RGL4: variants seen among roughly 807,000 people sequenced by gnomAD.
RGL4 encodes ral guanine nucleotide dissociation stimulator like 4, also known as ral-GDS-related protein.
In RGL4, 41 loss-of-function variants were observed where a neutral mutation model predicts 49.6. The observed-to-expected ratio is 0.83, with a 90% confidence interval of 0.64 to 1.07. RGL4 has a LOEUF of 1.07. Among genes scored for constraint, RGL4 ranks in the 50% least tolerant of loss-of-function variants. The probability of loss-of-function intolerance (pLI) is 0.00; values close to 1 mark genes in which losing one functional copy is unlikely to be tolerated. For missense variants in RGL4, 610 were observed against 591.9 expected (o/e 1.03, Z -0.32); for synonymous variants, 255 against 238.0 (o/e 1.07, Z -0.66).
At chr22:23,696,547 G>A (rs1923506686) in intron 6 of RGL4, 67 bp from the exon 7 acceptor site, 2 of 1,610,080 alleles carry the variant, frequency 1.2e-6, no homozygotes, top group African/African-American at 1.3e-5. Flanking sequence ...TCCAAGTGCG[G>A]GGTGGCTGGG....
rs968840959 is a variant in RGL4, at chr22:23,693,691, G to A, written c.697-68G>A. ...GTGGATGACTGTGAGCTCAGTCCCT[G>A]CCTGGGACTGTGGGTGACTCTGAGC... On this transcript the variant is annotated intron_variant, in intron 3 of 10. Coordinates refer to ENST00000290691, the MANE Select transcript of RGL4 (RefSeq NM_153615.2). 3.9e-6 allele frequency: 5 copies of A among 1,290,596 alleles called. No homozygotes were observed. In the African/African-American group the frequency reaches 5.9e-5, roughly 15 times the overall value. 79.9% of individuals were successfully genotyped at this position (1,290,596 alleles called of 1,614,324 possible).
In RGL4 at chr22:23,697,265, G is replaced by T; in HGVS notation, c.1236+20G>T. 1.2e-6 allele frequency: 2 copies of T among 1,603,792 alleles called. No homozygotes were observed. The highest frequency in any genetic ancestry group is 1.1e-5 in the South Asian group (1 of 90,706). ...CTGGATGTGAGTGAGCCTGGGGCAG[G>T]GTGCTTGGGAACCAAGATCCTGAAG... On this transcript the variant is annotated intron_variant, in intron 8 of 10. Transcript: ENST00000290691.
chr22:23,691,854 T>G lies in RGL4; in HGVS notation c.-177T>G. On this transcript the variant is annotated 5_prime_UTR_variant, in exon 1 of 11. Transcript: ENST00000290691. ...CCCACAAGAGGCAAATAGTGAGTTC[T>G]GTAAATGGAGACTTAGGTCCCCTGC... 1 of 594,320 alleles carries G rather than the reference T, an allele frequency of 1.7e-6. No individual in the cohort carries two copies. Among genetic ancestry groups the G allele is most frequent in the South Asian group, 2.3e-5 (1 of 43,844 alleles). 36.8% of individuals were successfully genotyped at this position (594,320 alleles called of 1,614,324 possible). A position where few individuals can be genotyped will look rare whatever the true frequency, so the allele number is the denominator to read the frequency against.
At position 23,695,036 on chromosome 22, in the gene RGL4, G is replaced by A. The variant is rs768146802; in HGVS notation, c.1086+17G>A. 19 of 1,580,360 alleles carry A rather than the reference G, an allele frequency of 1.2e-5. No homozygotes were observed. The Admixed American group carries it at 1.3e-4, about 11-fold the overall frequency. Reference sequence around the variant, plus strand: ...CTGATCAAGGTACAGTGGAGTCTGGGAGATGCAGGACAAGTGTTTAAGGGT... The same window carrying A: ...CTGATCAAGGTACAGTGGAGTCTGGAAGATGCAGGACAAGTGTTTAAGGGT... On this transcript the variant is annotated intron_variant, in intron 6 of 10. Transcript: ENST00000290691.
intron 6 of RGL4, 142 bp from the exon 7 acceptor site, chr22:23,696,472 G>C: frequency 6.4e-7 from 1 of 1,550,848 alleles, no homozygotes; most frequent in South Asian, 1.2e-5. Flanking sequence ...GACACACACA[G>C]GGAGTGTGGA....
chr22:23,694,789 G>A, intron 5 of RGL4, 161 bp from the exon 6 acceptor site: 1 of 656,424 alleles, frequency 1.5e-6, no homozygotes, highest in Non-Finnish European at 2.7e-6. Context: ...GAGCATGAGA[G>A]GTCCCACCCT....
chr22:23,698,364 G>A (rs764292078), intron 10 of RGL4, 31 bp downstream of exon 10: 3 of 1,584,118 alleles, frequency 1.9e-6, no homozygotes, highest in South Asian at 2.2e-5. Context: ...CTGAGGGTGG[G>A]AGAAGGCTCT....
intron 10 of RGL4, 44 bp downstream of exon 10, chr22:23,698,377 A>ATTT: frequency 2.4e-6 from 3 of 1,239,948 alleles, no homozygotes; most frequent in Non-Finnish European, 1.1e-6. Context: ...AAGGCTCTCC[A>ATTT]TTTTTTTTTT....
intron 8 of RGL4, 128 bp from the exon 9 acceptor site, chr22:23,697,710 G>T (rs1458650025): frequency 9.9e-7 from 1 of 1,014,434 alleles, no homozygotes; most frequent in African/African-American, 1.6e-5. Flanking sequence ...GCCTGAGGCA[G>T]GTCCAAGTCC....
At chr22:23,696,367 C>A (rs1923491946) in intron 6 of RGL4, 1 of 1,430,362 alleles carries the variant, frequency 7.0e-7, no homozygotes, top group African/African-American at 1.4e-5. Flanking sequence ...CTACAGGAAA[C>A]TGAGCCCTCA....
At chr22:23,695,473 TGC>T in intron 6 of RGL4, 1 of 603,474 alleles carries the variant, frequency 1.7e-6, no homozygotes. Flanking sequence ...CTGCTGCTGC[TGC>T]TGTCTGCAGC....
At chr22:23,695,543 G>C in intron 6 of RGL4, 1 of 449,360 alleles carries the variant, frequency 2.2e-6, no homozygotes. Flanking sequence ...AACAACAACA[G>C]AGGAAGCTCA....
intron 8 of RGL4, 25 bp downstream of exon 8, chr22:23,697,270 T>C: frequency 1.3e-6 from 2 of 1,596,140 alleles, no homozygotes; most frequent in South Asian, 1.1e-5. Context: ...GGCAGGGTGC[T>C]TGGGAACCAA....
At position 23,692,188 on chromosome 22, in the gene RGL4, A is replaced by T. The variant is rs769578137; in HGVS notation, c.158A>T (p.Gln53Leu). The T allele has an allele frequency of 1.2e-6, 2 of 1,613,676 alleles. No individual in the cohort carries two copies. Among genetic ancestry groups the T allele is most frequent in the African/African-American group, 2.7e-5 (2 of 74,916 alleles). Reference sequence around the variant, plus strand: ...CTGTATGGCCAGGTCTGCCCCTTCCAGGACAGCACTGATGGCTTACGGTAG... The same window carrying T: ...CTGTATGGCCAGGTCTGCCCCTTCCTGGACAGCACTGATGGCTTACGGTAG... ...ALLYGQVCPFQDSTDGLRTIT... is the reference protein window; with the variant it reads ...ALLYGQVCPFLDSTDGLRTIT... Residue 53 changes from glutamine to leucine, a missense_variant, in exon 1 of 11, where the codon CAG (glutamine) becomes CTG (leucine). Coordinates refer to ENST00000290691, the MANE Select transcript of RGL4 (RefSeq NM_153615.2).
In RGL4 at chr22:23,696,082, A is replaced by G. The variant is rs117404700; in HGVS notation, c.1087-532A>G. Among the ~76,000 whole-genome samples, 13 of 152,288 alleles carry G rather than the reference A, an allele frequency of 8.5e-5. No individual in the cohort carries two copies. In the East Asian group the frequency reaches 2.3e-3, roughly 27 times the overall value. ...AGACCTAGACACTCAAAGACTCCAG[A>G]GAACACGACCCTGATGGGTGGTGGT... On this transcript the variant is annotated intron_variant, in intron 6 of 10. Coordinates refer to ENST00000290691, the MANE Select transcript of RGL4 (RefSeq NM_153615.2).
At chr22:23,696,535 G>A (rs1023787095) in intron 6 of RGL4, 79 bp from the exon 7 acceptor site, 6 of 1,606,424 alleles carry the variant, frequency 3.7e-6, no homozygotes, top group Non-Finnish European at 5.1e-6. Flanking sequence ...ACTCCCTGGG[G>A]ATCCAAGTGC....
At position 23,691,367 on chromosome 22, in the gene RGL4, A is replaced by C. The variant is rs903012224; in HGVS notation, c.-664A>C. ...AAGAGGGGTCCCTTGGTGCTGAAAA[A>C]GGAGCCACAGGCCCACTCAGACATC... On this transcript the variant is annotated 5_prime_UTR_variant, in exon 1 of 11. Coordinates refer to ENST00000290691, the MANE Select transcript of RGL4 (RefSeq NM_153615.2). 1 of 152,164 alleles carries C rather than the reference A, an allele frequency of 6.6e-6. No homozygotes were observed. Among genetic ancestry groups the C allele is most frequent in the Non-Finnish European group, 1.5e-5 (1 of 68,032 alleles). 9.4% of individuals were successfully genotyped at this position (152,164 alleles called of 1,614,324 possible). A position where few individuals can be genotyped will look rare whatever the true frequency, so the allele number is the denominator to read the frequency against.
In RGL4 at chr22:23,692,547, T is replaced by C. The variant is rs754344375; in HGVS notation, c.373+19T>C. 56 of 1,602,292 alleles carry C rather than the reference T, an allele frequency of 3.5e-5. No individual in the cohort carries two copies. The highest frequency in any genetic ancestry group is 3.8e-5 in the Non-Finnish European group (45 of 1,171,810). ...CCAGATGGTGAGGGGGCTTGCAGTC[T>C]GCAAGACTTTCCGGGGGTGGTGTTT... is the stretch of plus-strand genomic sequence containing the variant. On this transcript the variant is annotated intron_variant, in intron 2 of 10. Coordinates refer to ENST00000290691, the MANE Select transcript of RGL4 (RefSeq NM_153615.2).
chr22:23,692,393 C>A lies in RGL4; in HGVS notation c.238C>A (p.Pro80Thr). Residue 80 changes from proline to threonine, a missense_variant, in exon 2 of 11, where the codon CCC (proline) becomes ACC (threonine). Transcript: ENST00000290691. ...PPENTSVYYQ[P>T]PQRSSFRIKL... is the part of the protein sequence containing the mutation. Reference sequence around the variant, plus strand: ...CGAAAACACTTCAGTTTACTATCAGCCCCCGCAACGGTCATCTTTCCGGAT... The same window carrying A: ...CGAAAACACTTCAGTTTACTATCAGACCCCGCAACGGTCATCTTTCCGGAT... The A allele has an allele frequency of 6.2e-7, 1 of 1,614,226 alleles. No homozygotes were observed. The highest frequency in any genetic ancestry group is 8.5e-7 in the Non-Finnish European group (1 of 1,180,042).
Sources: gnomAD v4.1 joint callset for allele counts (sites outside exome capture counted in the v4.1 genomes callset) on GRCh38, gnomAD v4.1.1 for gene constraint, MANE v1.5 for transcripts, NCBI Gene and HGNC (gene_info 2026-07-23, HGNC 2026-07-21) for gene names.